The following CREB5 variants were observed in gnomAD, a reference collection of about 807,000 sequenced individuals.
CREB5 encodes the protein cAMP responsive element binding protein 5, also known as cyclic AMP-responsive element-binding protein 5.
In CREB5, 19 loss-of-function variants were observed where a neutral mutation model predicts 57.1. The observed-to-expected ratio is 0.33, with a 90% confidence interval of 0.23 to 0.49. CREB5 has a LOEUF of 0.49. CREB5 is among the 20% of genes least tolerant of loss of function. The pLI is 0.99. For missense variants in CREB5, 579 were observed against 671.6 expected (o/e 0.86, Z 1.52); for synonymous variants, 238 against 238.3 (o/e 1.00, Z 0.01).
At chr7:28,655,817 T>C (rs1400328891) in intron 5 of CREB5, among the ~76,000 whole-genome samples, 1 of 152,172 alleles carries the variant, frequency 6.6e-6, no homozygotes, top group East Asian at 1.9e-4. Context: ...CATTTTGGAA[T>C]TTTTGTTTAT....
At chr7:28,636,875 A>G (rs1798442289) in intron 5 of CREB5, among the ~76,000 whole-genome samples, 1 of 152,132 alleles carries the variant, frequency 6.6e-6, no homozygotes, top group Non-Finnish European at 1.5e-5. Context: ...TGAAAATTTC[A>G]CTGAGTGCAG....
chr7:28,638,183 A>G (rs1298974901), intron 5 of CREB5, among the ~76,000 whole-genome samples: 2 of 151,916 alleles, frequency 1.3e-5, no homozygotes, highest in Non-Finnish European at 2.9e-5. Flanking sequence ...AATTTTTAAT[A>G]TGGAACAATC....
intron 5 of CREB5, among the ~76,000 whole-genome samples, chr7:28,611,629 T>G (rs1797389706): frequency 6.6e-6 from 1 of 150,804 alleles, no homozygotes; most frequent in Non-Finnish European, 1.5e-5. Context: ...TAAGCTGAGA[T>G]TGCGCCACTG....
At chr7:28,518,451 T>C (rs994808691) in intron 4 of CREB5, among the ~76,000 whole-genome samples, 16 of 152,224 alleles carry the variant, frequency 1.1e-4, no homozygotes, top group African/African-American at 2.4e-4. Context: ...TGATTTGTTA[T>C]GCACAGAGCT....
intron 1 of CREB5, among the ~76,000 whole-genome samples, chr7:28,401,534 G>C (rs1273587878): frequency 6.6e-6 from 1 of 152,014 alleles, no homozygotes; most frequent in Non-Finnish European, 1.5e-5. Context: ...ATTTACATTA[G>C]GTATATCTCC....
chr7:28,545,031 T>C (rs1257065505), intron 4 of CREB5, among the ~76,000 whole-genome samples: 9 of 152,126 alleles, frequency 5.9e-5, no homozygotes, highest in Admixed American at 5.9e-4. Flanking sequence ...AAGAGGCAGA[T>C]AAGGAATTGG....
At chr7:28,715,205 A>G (rs902374762) in intron 5 of CREB5, among the ~76,000 whole-genome samples, 6 of 152,224 alleles carry the variant, frequency 3.9e-5, no homozygotes, top group African/African-American at 1.2e-4. Flanking sequence ...TAAAAAATCA[A>G]TAATAACGTA....
At chr7:28,636,718 T>A (rs1798434239) in intron 5 of CREB5, among the ~76,000 whole-genome samples, 1 of 152,214 alleles carries the variant, frequency 6.6e-6, no homozygotes, top group Non-Finnish European at 1.5e-5. Flanking sequence ...GCTATTTATC[T>A]ACTTGGAAAA....
At chr7:28,510,453 G>C (rs923795943) in intron 4 of CREB5, among the ~76,000 whole-genome samples, 3 of 152,200 alleles carry the variant, frequency 2.0e-5, no homozygotes, top group Admixed American at 1.3e-4. Flanking sequence ...TTTGGCTAAA[G>C]AAAGTTCTTG....
At chr7:28,407,267 T>A (rs1787602345) in intron 1 of CREB5, among the ~76,000 whole-genome samples, 2 of 152,184 alleles carry the variant, frequency 1.3e-5, no homozygotes, top group Non-Finnish European at 2.9e-5. Context: ...GTCAGGCTGG[T>A]CTCGAACTCC....
intron 5 of CREB5, among the ~76,000 whole-genome samples, chr7:28,612,990 G>T (rs1198318581): frequency 5.3e-5 from 8 of 152,132 alleles, no homozygotes; most frequent in Non-Finnish European, 1.0e-4. Context: ...GGGAAAAGAA[G>T]CCAAACTTCA....
intron 1 of CREB5, among the ~76,000 whole-genome samples, chr7:28,373,633 C>T (rs1185820939): frequency 6.6e-6 from 1 of 151,382 alleles, no homozygotes; most frequent in Non-Finnish European, 1.5e-5. Flanking sequence ...ACCATGTTAC[C>T]CAGGCTGGTC....
chr7:28,418,248 A>G (rs531461835), intron 1 of CREB5, among the ~76,000 whole-genome samples: 1 of 152,324 alleles, frequency 6.6e-6, no homozygotes, highest in East Asian at 1.9e-4. Context: ...GTCACCTTTT[A>G]AAATATTAGA....
chr7:28,637,558 G>T (rs1798472989), intron 5 of CREB5, among the ~76,000 whole-genome samples: 1 of 152,170 alleles, frequency 6.6e-6, no homozygotes, highest in Admixed American at 6.6e-5. Flanking sequence ...GGTTTAGATA[G>T]ATTAGGTAGG....
intron 7 of CREB5, among the ~76,000 whole-genome samples, chr7:28,738,677 G>A (rs990676184): frequency 2.6e-5 from 4 of 152,194 alleles, no homozygotes; most frequent in East Asian, 1.9e-4. Flanking sequence ...AGTTGTTCCT[G>A]TGTTCCAGTG....
At chr7:28,421,916 ATGT>A (rs1562705815) in intron 1 of CREB5, among the ~76,000 whole-genome samples, 17 of 146,214 alleles carry the variant, frequency 1.2e-4, no homozygotes, top group South Asian at 2.2e-4. Context: ...GAGAGTGTGT[ATGT>A]GTGTGTATGT....
intron 1 of CREB5, among the ~76,000 whole-genome samples, chr7:28,375,164 C>A (rs1033313783): frequency 6.6e-6 from 1 of 152,116 alleles, no homozygotes; most frequent in African/African-American, 2.4e-5. Flanking sequence ...TTACCTAAGA[C>A]CTCCTTAGAA....
In CREB5 at chr7:28,819,226, T is replaced by A; in HGVS notation, c.1474T>A (p.Ser492Thr). 6.2e-7 allele frequency: 1 copy of A among 1,613,822 alleles called. No homozygotes were observed. The highest frequency in any genetic ancestry group is 8.5e-7 in the Non-Finnish European group (1 of 1,179,872). Reference sequence around the variant, plus strand: ...ATCGGTCAGCGAGGTGGTAGGAAGCTCCACCCTCAGCCAGCTCACCACTCA... The same window carrying A: ...ATCGGTCAGCGAGGTGGTAGGAAGCACCACCCTCAGCCAGCTCACCACTCA... ...SSSVSEVVGS[S>T]TLSQLTTHRT... is the part of the protein sequence containing the mutation. The change falls in exon 11 of 11, where the codon TCC becomes ACC. Residue 492 changes from serine (S) to threonine (T), a missense_variant. Transcript: ENST00000357727.
chr7:28,560,987 T>TGTGTGCGC (rs1795231729), intron 4 of CREB5, among the ~76,000 whole-genome samples: 3 of 64,452 alleles, frequency 4.7e-5, no homozygotes, highest in African/African-American at 1.4e-4. Context: ...TGTGCGTGCG[T>TGTGTGCGC]GTGTGTGCCT....
Sources: gnomAD v4.1 joint callset for allele counts (sites outside exome capture counted in the v4.1 genomes callset) on GRCh38, gnomAD v4.1.1 for gene constraint, MANE v1.5 for transcripts, NCBI Gene and HGNC (gene_info 2026-07-23, HGNC 2026-07-21) for gene names.